DMD: variants seen among roughly 807,000 people sequenced by gnomAD.
The protein encoded by DMD is dystrophin, also known as mutant dystrophin.
In DMD, 63 loss-of-function variants were observed where a neutral mutation model predicts 330.1. That is an observed-to-expected ratio of 0.19 (90% CI 0.16 to 0.24). DMD has a LOEUF of 0.24. Ranked by LOEUF, DMD falls within the 10% of genes least tolerant of loss-of-function variation. The probability of loss-of-function intolerance (pLI) is 1.00; values close to 1 mark genes in which losing one functional copy is unlikely to be tolerated. For missense variants in DMD, 3,344 were observed against 2,684.1 expected (o/e 1.25, Z -5.43); for synonymous variants, 1,223 against 959.8 (o/e 1.27, Z -5.07).
At chrX:32,901,969 T>A (rs1282943194) in intron 2 of DMD, among the ~76,000 whole-genome samples, 1 of 110,604 alleles carries the variant, frequency 9.0e-6, no homozygotes, top group Non-Finnish European at 1.9e-5. Flanking sequence ...TGACTGTATA[T>A]GGATATTCTA....
chrX:31,366,492 A>T (rs2059252094), intron 60 of DMD, among the ~76,000 whole-genome samples: 2 of 100,492 alleles, frequency 2.0e-5, no homozygotes, highest in African/African-American at 7.5e-5. Context: ...AAAAAAAAAA[A>T]AAAACATAAA....
chrX:31,291,179 T>G (rs752572724), intron 62 of DMD, among the ~76,000 whole-genome samples: 1 of 111,763 alleles, frequency 8.9e-6, no homozygotes, highest in Non-Finnish European at 1.9e-5. Flanking sequence ...AAAGTACAAG[T>G]TGCAAACTAG....
intron 4 of DMD, among the ~76,000 whole-genome samples, chrX:32,844,332 G>A (rs1159369456): frequency 9.4e-6 from 1 of 106,851 alleles, no homozygotes; most frequent in Non-Finnish European, 1.9e-5. Context: ...CTTAAACCTG[G>A]AAGGCAGAGT....
At chrX:32,950,617 A>G (rs1234786639) in intron 2 of DMD, among the ~76,000 whole-genome samples, 2 of 111,534 alleles carry the variant, frequency 1.8e-5, no homozygotes, top group East Asian at 5.7e-4. Context: ...AGAGTGTTTA[A>G]ATTAATTGGC....
chrX:32,372,451 T>G (rs191974634), intron 34 of DMD, among the ~76,000 whole-genome samples: 70 of 111,824 alleles, frequency 6.3e-4, no homozygotes, highest in African/African-American at 2.2e-3. Context: ...GCTAGTAATC[T>G]CCTGTAGATT....
intron 56 of DMD, among the ~76,000 whole-genome samples, chrX:31,499,627 G>T (rs754596645): frequency 9.1e-6 from 1 of 109,706 alleles, no homozygotes; most frequent in Non-Finnish European, 1.9e-5. Context: ...AAGTGGCTGG[G>T]ATTACAGGCG....
chrX:31,535,569 T>C (rs1434541263), intron 55 of DMD, among the ~76,000 whole-genome samples: 2 of 105,265 alleles, frequency 1.9e-5, no homozygotes, highest in Non-Finnish European at 3.9e-5. Flanking sequence ...ATTCAGGACA[T>C]AGGCGTGGGC....
chrX:31,266,629 G>A (rs1462501671), intron 62 of DMD, among the ~76,000 whole-genome samples: 1 of 111,952 alleles, frequency 8.9e-6, no homozygotes, highest in Non-Finnish European at 1.9e-5. Context: ...AACCCCGGGG[G>A]CGCACCTGCA....
intron 44 of DMD, among the ~76,000 whole-genome samples, chrX:32,178,185 G>A (rs2096912694): frequency 1.2e-5 from 1 of 82,316 alleles, no homozygotes; most frequent in Admixed American, 1.6e-4. Context: ...TGACCCAAAA[G>A]TCTCAAGACC....
At chrX:32,771,896 C>G (rs933096665) in intron 7 of DMD, among the ~76,000 whole-genome samples, 6 of 111,577 alleles carry the variant, frequency 5.4e-5, no homozygotes, top group African/African-American at 1.6e-4. Flanking sequence ...TAAATGAAAC[C>G]ATTCCAAGTC....
At chrX:33,035,550 T>A (rs2094190865) in intron 1 of DMD, among the ~76,000 whole-genome samples, 1 of 112,107 alleles carries the variant, frequency 8.9e-6, no homozygotes, top group Non-Finnish European at 1.9e-5. Flanking sequence ...TGTAATGTAC[T>A]TTGACAGTAA....
intron 21 of DMD, among the ~76,000 whole-genome samples, chrX:32,477,984 C>G (rs1455211122): frequency 2.7e-5 from 3 of 111,621 alleles, no homozygotes; most frequent in Non-Finnish European, 5.7e-5. Flanking sequence ...AATTTTAATT[C>G]TAAGATGAAA....
chrX:32,762,072 A>C (rs762508494), intron 7 of DMD, among the ~76,000 whole-genome samples: 1 of 108,343 alleles, frequency 9.2e-6, no homozygotes, highest in Non-Finnish European at 1.9e-5. Context: ...AATCATTTGA[A>C]CCTAGGAGGC....
At chrX:31,978,621 C>CT in intron 44 of DMD, among the ~76,000 whole-genome samples, 1 of 111,744 alleles carries the variant, frequency 8.9e-6, no homozygotes, top group East Asian at 2.8e-4. Flanking sequence ...TGAGAGATAC[C>CT]TTTTTAGGCT....
intron 60 of DMD, among the ~76,000 whole-genome samples, chrX:31,417,260 G>A (rs1440718051): frequency 9.0e-6 from 1 of 111,616 alleles, no homozygotes; most frequent in African/African-American, 3.2e-5. Flanking sequence ...AAATCACCAA[G>A]CCTATAATTT....
intron 62 of DMD, among the ~76,000 whole-genome samples, chrX:31,311,068 T>C (rs2055482513): frequency 8.9e-6 from 1 of 111,777 alleles, no homozygotes; most frequent in Non-Finnish European, 1.9e-5. Context: ...GCAATAAGAA[T>C]AAAGTATCAT....
At chrX:32,153,876 G>T (rs890210929) in intron 44 of DMD, among the ~76,000 whole-genome samples, 2 of 112,269 alleles carry the variant, frequency 1.8e-5, no homozygotes, top group Non-Finnish European at 3.8e-5. Flanking sequence ...CTCCATGGCA[G>T]AAACTATAAT....
chrX:32,759,038 T>G (rs1211942309), intron 7 of DMD, among the ~76,000 whole-genome samples: 4 of 109,071 alleles, frequency 3.7e-5, no homozygotes, highest in East Asian at 2.8e-4. Context: ...CTTATCCAAT[T>G]CTAACTATCT....
chrX:33,198,675 A>G (rs1437638103), intron 1 of DMD, among the ~76,000 whole-genome samples: 1 of 111,613 alleles, frequency 9.0e-6, no homozygotes, highest in Non-Finnish European at 1.9e-5. Context: ...TCCAGGTAAT[A>G]AAGTGGTGAG....
Sources: gnomAD v4.1 joint callset for allele counts (sites outside exome capture counted in the v4.1 genomes callset) on GRCh38, gnomAD v4.1.1 for gene constraint, MANE v1.5 for transcripts, NCBI Gene and HGNC (gene_info 2026-07-23, HGNC 2026-07-21) for gene names.